The following PLD5 variants were observed in gnomAD, a reference collection of about 807,000 sequenced individuals.
PLD5 encodes the protein phospholipase D family member 5, also known as inactive phospholipase D5.
Under a neutral mutation model 61.1 loss-of-function variants are expected in PLD5, and 36 were observed. That is an observed-to-expected ratio of 0.59 (90% CI 0.45 to 0.78). PLD5 has a LOEUF of 0.78. Among genes scored for constraint, PLD5 ranks in the 30% least tolerant of loss-of-function variants. The probability of loss-of-function intolerance (pLI) is 0.00; values close to 1 mark genes in which losing one functional copy is unlikely to be tolerated. For missense variants in PLD5, 515 were observed against 644.4 expected (o/e 0.80, Z 2.17); for synonymous variants, 243 against 242.8 (o/e 1.00, Z -0.01).
intron 4 of PLD5, among the ~76,000 whole-genome samples, chr1:242,248,670 G>T (rs1028362702): frequency 2.0e-5 from 3 of 151,710 alleles, no homozygotes; most frequent in African/African-American, 7.3e-5. Flanking sequence ...CCTCACTTTG[G>T]CTCAAGTAAA....
chr1:242,188,910 G>GAC (rs1462679690), intron 5 of PLD5: 1 of 152,180 alleles, frequency 6.6e-6, no homozygotes, highest in African/African-American at 2.4e-5. Flanking sequence ...CAAGCACACA[G>GAC]ACACACAGAA....
intron 1 of PLD5, among the ~76,000 whole-genome samples, chr1:242,486,318 T>C (rs1343873344): frequency 6.6e-6 from 1 of 152,230 alleles, no homozygotes; most frequent in Admixed American, 6.5e-5. Flanking sequence ...TCTACTCATC[T>C]GACAAAGGGC....
chr1:242,370,885 G>C (rs1016457211), intron 1 of PLD5, among the ~76,000 whole-genome samples: 2 of 152,128 alleles, frequency 1.3e-5, no homozygotes, highest in African/African-American at 4.8e-5. Context: ...AAGTTGAAAA[G>C]GCTTTGACTC....
chr1:242,478,894 T>C (rs1305876889), intron 1 of PLD5, among the ~76,000 whole-genome samples: 1 of 152,180 alleles, frequency 6.6e-6, no homozygotes, highest in Non-Finnish European at 1.5e-5. Context: ...AGTCTGATAA[T>C]AAAGAATTGA....
intron 1 of PLD5, among the ~76,000 whole-genome samples, chr1:242,380,913 G>A (rs948720370): frequency 6.6e-6 from 1 of 152,194 alleles, no homozygotes; most frequent in Admixed American, 6.5e-5. Flanking sequence ...TGCTGGTGAG[G>A]TTGCATGGAA....
intron 7 of PLD5, among the ~76,000 whole-genome samples, chr1:242,109,098 A>G (rs1174620128): frequency 1.3e-5 from 2 of 152,232 alleles, no homozygotes; most frequent in Admixed American, 1.3e-4. Flanking sequence ...TGTGCTCAAA[A>G]TTGGTTTCTC....
intron 5 of PLD5, among the ~76,000 whole-genome samples, chr1:242,216,915 T>A (rs1431379668): frequency 6.6e-6 from 1 of 152,204 alleles, no homozygotes; most frequent in Non-Finnish European, 1.5e-5. Flanking sequence ...ACATCTACCA[T>A]CATAAAAATT....
At chr1:242,115,572 C>T (rs1261667589) in intron 6 of PLD5, among the ~76,000 whole-genome samples, 2 of 151,950 alleles carry the variant, frequency 1.3e-5, no homozygotes, top group African/African-American at 4.8e-5. Flanking sequence ...ACACACACTG[C>T]ACATAGCAAG....
At chr1:242,186,602 G>A (rs1264426900) in intron 5 of PLD5, among the ~76,000 whole-genome samples, 1 of 152,000 alleles carries the variant, frequency 6.6e-6, no homozygotes, top group Admixed American at 6.6e-5. Context: ...CAAAAGAGAG[G>A]TAAATGAGAG....
intron 5 of PLD5, among the ~76,000 whole-genome samples, chr1:242,153,117 G>A (rs150111958): frequency 0.029 from 4,458 of 152,214 alleles, 238 homozygotes; most frequent in African/African-American, 0.1. Context: ...GTGATGATGA[G>A]CATTTATTCA....
In PLD5 at chr1:242,098,550, C is replaced by T. The variant is rs529007120; in HGVS notation, c.1354+2118G>A. ...TAGTTTGATCGTCTGAAGCCTTCTT[C>T]TCTCAACTCGTCAAAGTCATTCTCC... is the stretch of plus-strand genomic sequence containing the variant. On this transcript the variant is annotated intron_variant, in intron 9 of 9. Transcript: ENST00000536534. 2.0e-5 allele frequency among the ~76,000 whole-genome samples: 3 copies of T among 152,352 alleles called. No homozygotes were observed. The South Asian group carries it at 6.2e-4, about 32-fold the overall frequency.
chr1:242,167,096 AT>A (rs2148864854), intron 5 of PLD5, among the ~76,000 whole-genome samples: 3 of 145,996 alleles, frequency 2.1e-5, no homozygotes, highest in African/African-American at 7.4e-5. Flanking sequence ...AATAATAATA[AT>A]AATAATAATA....
chr1:242,122,759 T>C (rs1238652083), intron 6 of PLD5, among the ~76,000 whole-genome samples: 1 of 152,402 alleles, frequency 6.6e-6, no homozygotes, highest in African/African-American at 2.4e-5. Flanking sequence ...TTCACATTTA[T>C]GTGAATTTGT....
chr1:242,393,114 G>C (rs989003028), intron 1 of PLD5, among the ~76,000 whole-genome samples: 6 of 151,106 alleles, frequency 4.0e-5, no homozygotes, highest in Non-Finnish European at 5.9e-5. Context: ...TGAGGCAGGA[G>C]AATCACTTGA....
intron 5 of PLD5, among the ~76,000 whole-genome samples, chr1:242,213,600 C>T (rs1669963073): frequency 6.6e-6 from 1 of 151,938 alleles, no homozygotes; most frequent in African/African-American, 2.4e-5. Flanking sequence ...TCAACTGGCT[C>T]TGCCCCACTT....
intron 2 of PLD5, among the ~76,000 whole-genome samples, chr1:242,341,643 A>G (rs1390888022): frequency 1.4e-5 from 2 of 140,252 alleles, no homozygotes; most frequent in African/African-American, 5.3e-5. Flanking sequence ...GACACTCCTT[A>G]TTGGAGAACT....
At chr1:242,171,210 C>G (rs1490579842) in intron 5 of PLD5, among the ~76,000 whole-genome samples, 1 of 152,142 alleles carries the variant, frequency 6.6e-6, no homozygotes, top group South Asian at 2.1e-4. Flanking sequence ...AGCCTACAAG[C>G]CAGAAGAGAG....
At chr1:242,168,814 C>A (rs376953536) in intron 5 of PLD5, among the ~76,000 whole-genome samples, 62 of 142,894 alleles carry the variant, frequency 4.3e-4, no homozygotes, top group Non-Finnish European at 8.0e-4. Flanking sequence ...CTCATTCACA[C>A]AGCTTATCCA....
intron 2 of PLD5, among the ~76,000 whole-genome samples, chr1:242,302,037 T>TCCCAAAGTGCTGGGATTA (rs1425104013): frequency 6.6e-6 from 1 of 152,218 alleles, no homozygotes; most frequent in Non-Finnish European, 1.5e-5. Flanking sequence ...CACCTTGGTC[T>TCCCAAAGTGCTGGGATTA]CCCAAAGTGC....
Sources: gnomAD v4.1 joint callset for allele counts (sites outside exome capture counted in the v4.1 genomes callset) on GRCh38, gnomAD v4.1.1 for gene constraint, MANE v1.5 for transcripts, NCBI Gene and HGNC (gene_info 2026-07-23, HGNC 2026-07-21) for gene names.